Variants in SRF observed in about 807,000 individuals in gnomAD.
SRF encodes serum response factor.
In SRF, 7 loss-of-function variants were observed where a neutral mutation model predicts 37.1. That is an observed-to-expected ratio of 0.19 (90% CI 0.11 to 0.35). The LOEUF (loss-of-function observed/expected upper bound fraction) is 0.35. Among genes scored for constraint, SRF ranks in the 10% least tolerant of loss-of-function variants. The probability of loss-of-function intolerance (pLI) is 1.00; values close to 1 mark genes in which losing one functional copy is unlikely to be tolerated. For synonymous variants in SRF, 285 were observed against 310.1 expected, an observed-to-expected ratio of 0.92 and a Z score of 0.85; for missense variants, 395 against 694.4, an observed-to-expected ratio of 0.57 and a Z score of 4.85.
Position 43,179,609 on chromosome 6 carries a change from G to C in SRF, c.*419G>C, listed in dbSNP as rs1364983717. On this transcript the variant is annotated 3_prime_UTR_variant, in exon 7 of 7. Coordinates refer to ENST00000265354, the MANE Select transcript of SRF (RefSeq NM_003131.4). The surrounding 1 kb of genome is among the most constrained non-coding windows in gnomAD (Gnocchi z 5.3). ...TTGCCAGCCTCCTTGCTGACCCCAGGTCAGCCCTGTGTCTGTCACAGGCTG... is the reference window on the plus strand; with the variant it reads ...TTGCCAGCCTCCTTGCTGACCCCAGCTCAGCCCTGTGTCTGTCACAGGCTG... The C allele has an allele frequency of 4.1e-6, 1 of 246,554 alleles. No individual in the cohort carries two copies. The highest frequency in any genetic ancestry group is 8.1e-6 in the Non-Finnish European group (1 of 123,528). 15.3% of individuals were successfully genotyped at this position (246,554 alleles called of 1,614,324 possible).
chr6:43,178,964 A>G lies in SRF; in HGVS notation c.1431+82A>G, dbSNP rs1772254808. On this transcript the variant is annotated intron_variant, in intron 6 of 6. Transcript: ENST00000265354. The surrounding 1 kb of genome is among the most constrained non-coding windows in gnomAD (Gnocchi z 4.3). ...AGGGGATCCTGTTACCAGTTCATCA[A>G]AGCCAAAATCCCTAGCCTGGAAGCC... 5.1e-6 allele frequency: 8 copies of G among 1,577,006 alleles called. No individual in the cohort carries two copies. The East Asian group carries it at 1.8e-4, about 35-fold the overall frequency.
In SRF at chr6:43,176,075, G is replaced by A; in HGVS notation, c.1042+108G>A. On this transcript the variant is annotated intron_variant, in intron 3 of 6. Coordinates refer to ENST00000265354, the MANE Select transcript of SRF (RefSeq NM_003131.4). The surrounding 1 kb of genome is among the most constrained non-coding windows in gnomAD (Gnocchi z 4.0). The stretch of plus-strand genomic sequence containing the variant: ...GAGAACCTCTTTCCCTGCTCAGAAG[G>A]AAGGTGAATAGGGGCCAGAGCCTGA... 6.8e-7 allele frequency: 1 copy of A among 1,461,270 alleles called. No homozygotes were observed. 90.5% of individuals were successfully genotyped at this position (1,461,270 alleles called of 1,614,324 possible).
chr6:43,180,258 T>A lies in SRF; in HGVS notation c.*1068T>A, dbSNP rs1367145685. On this transcript the variant is annotated 3_prime_UTR_variant, in exon 7 of 7. Coordinates refer to ENST00000265354, the MANE Select transcript of SRF (RefSeq NM_003131.4). ...GGAGAGGGAAGAGGGAGACCAAATG[T>A]CGGGGTTGGGGTGGGAGGGCGTCAG... 6.6e-6 allele frequency: 1 copy of A among 151,156 alleles called. No individual in the cohort carries two copies. Among genetic ancestry groups the A allele is most frequent in the Non-Finnish European group, 1.5e-5 (1 of 67,858 alleles). 9.4% of individuals were successfully genotyped at this position (151,156 alleles called of 1,614,324 possible).
Position 43,173,796 on chromosome 6 carries a change from G to T in SRF, c.514-51G>T. 1 of 1,583,794 alleles carries T rather than the reference G, an allele frequency of 6.3e-7. No individual in the cohort carries two copies. The highest frequency in any genetic ancestry group is 1.3e-5 in the African/African-American group (1 of 74,254). The stretch of plus-strand genomic sequence containing the variant: ...ATTCTTTTTCCAACTTCTCAAGGAA[G>T]GTAGAGATAAAAAGTTTGCTGACCT... On this transcript the variant is annotated intron_variant, in intron 1 of 6. Coordinates refer to ENST00000265354, the MANE Select transcript of SRF (RefSeq NM_003131.4). This position sits in a 1 kb window ranked among gnomAD's most constrained non-coding sequence, Gnocchi z 4.2.
Position 43,172,174 on chromosome 6 carries a change from C to T in SRF, c.513+5C>T. On this transcript the variant is annotated splice_donor_5th_base_variant and intron_variant, in intron 1 of 6. Transcript: ENST00000265354. This position sits in a 1 kb window ranked among gnomAD's most constrained non-coding sequence, Gnocchi z 5.7. ...AAGACGGGCATCATGAAGAAGGTACCAAGCCGGGGGGCTGGCCGGCCCCGG... is the reference window on the plus strand; with the variant it reads ...AAGACGGGCATCATGAAGAAGGTACTAAGCCGGGGGGCTGGCCGGCCCCGG... 6.2e-7 allele frequency: 1 copy of T among 1,608,078 alleles called. No individual in the cohort carries two copies. Among genetic ancestry groups the T allele is most frequent in the Non-Finnish European group, 8.5e-7 (1 of 1,179,208 alleles).
In SRF at chr6:43,176,113, A is replaced by G. The variant is rs1050055249; in HGVS notation, c.1042+146A>G. 1.4e-5 allele frequency: 17 copies of G among 1,186,548 alleles called. No individual in the cohort carries two copies. Among genetic ancestry groups the G allele is most frequent in the African/African-American group, 1.5e-5 (1 of 65,244 alleles). 73.5% of individuals were successfully genotyped at this position (1,186,548 alleles called of 1,614,324 possible). A position where few individuals can be genotyped will look rare whatever the true frequency, so the allele number is the denominator to read the frequency against. On this transcript the variant is annotated intron_variant, in intron 3 of 6. Transcript: ENST00000265354. This position sits in a 1 kb window ranked among gnomAD's most constrained non-coding sequence, Gnocchi z 4.0. Reference sequence around the variant, plus strand: ...GGCCAGAGCCTGAGCGAAGCCTCTTATATCCCGTTGGCAGGCATACCTCTG... The same window carrying G: ...GGCCAGAGCCTGAGCGAAGCCTCTTGTATCCCGTTGGCAGGCATACCTCTG...
intron 4 of SRF, among the ~76,000 whole-genome samples, chr6:43,177,745 C>T (rs1443351565): frequency 2.0e-5 from 3 of 151,290 alleles, no homozygotes; most frequent in Non-Finnish European, 4.4e-5. Flanking sequence ...GAAACTCCAT[C>T]TCTACTAAAA....
intron 2 of SRF, among the ~76,000 whole-genome samples, chr6:43,174,621 C>T (rs1375045173): frequency 6.6e-6 from 1 of 152,220 alleles, no homozygotes; most frequent in Non-Finnish European, 1.5e-5. Flanking sequence ...GGGATGCCTG[C>T]GCTGTTACTC....
rs1486626842 is a variant in SRF, at chr6:43,171,557, A to G, written c.-100A>G. Reference sequence around the variant, plus strand: ...CCGCGGCAGCGATAGCGGCACTAGCAGCAGCGGGAGTGCCGGGTTGAGCCG... The same window carrying G: ...CCGCGGCAGCGATAGCGGCACTAGCGGCAGCGGGAGTGCCGGGTTGAGCCG... On this transcript the variant is annotated 5_prime_UTR_variant, in exon 1 of 7. Transcript: ENST00000265354. This position sits in a 1 kb window ranked among gnomAD's most constrained non-coding sequence, Gnocchi z 6.5. 1 of 1,131,950 alleles carries G rather than the reference A, an allele frequency of 8.8e-7. No individual in the cohort carries two copies. The highest frequency in any genetic ancestry group is 1.6e-5 in the African/African-American group (1 of 61,008). 70.1% of individuals were successfully genotyped at this position (1,131,950 alleles called of 1,614,324 possible).
In SRF at chr6:43,178,766, A is replaced by G. The variant is rs372321247; in HGVS notation, c.1355-40A>G. On this transcript the variant is annotated intron_variant, in intron 5 of 6. Transcript: ENST00000265354. The surrounding 1 kb of genome is among the most constrained non-coding windows in gnomAD (Gnocchi z 4.3). ...CACTCCTCCAATATCTGGAAGTTTC[A>G]ACAAACAATTTGAGTATCTCCTGTG... The G allele has an allele frequency of 6.2e-6, 10 of 1,606,282 alleles. No homozygotes were observed. The African/African-American group carries it at 1.3e-4, about 21-fold the overall frequency.
intron 2 of SRF, 62 bp downstream of exon 2, chr6:43,174,175 C>A: frequency 6.3e-7 from 1 of 1,580,820 alleles, no homozygotes; most frequent in South Asian, 1.2e-5. Context: ...CCTTTCTGGC[C>A]CAGGACAGGT....
In SRF at chr6:43,179,044, T is replaced by C. The variant is rs1772256197; in HGVS notation, c.1432-51T>C. 5.6e-6 allele frequency: 9 copies of C among 1,605,730 alleles called. No homozygotes were observed. Among genetic ancestry groups the C allele is most frequent in the Non-Finnish European group, 7.7e-6 (9 of 1,173,018 alleles). Reference sequence around the variant, plus strand: ...GGCAGGCAGGGAAGCCAGGGGAGCCTGAACTGGCTGGCCAGTCCCTGCCCC... The same window carrying C: ...GGCAGGCAGGGAAGCCAGGGGAGCCCGAACTGGCTGGCCAGTCCCTGCCCC... On this transcript the variant is annotated intron_variant, in intron 6 of 6. Coordinates refer to ENST00000265354, the MANE Select transcript of SRF (RefSeq NM_003131.4). This position sits in a 1 kb window ranked among gnomAD's most constrained non-coding sequence, Gnocchi z 5.3.
Position 43,179,973 on chromosome 6 carries a change from G to A in SRF, c.*783G>A, listed in dbSNP as rs539901783. On this transcript the variant is annotated 3_prime_UTR_variant, in exon 7 of 7. Transcript: ENST00000265354. The surrounding 1 kb of genome is among the most constrained non-coding windows in gnomAD (Gnocchi z 5.3). ...AAAATATTTAACTTTTTTTTATGGC[G>A]TTTTTCTCGTCCCCCTCCCTGCCCA... The A allele has an allele frequency of 1.3e-5, 2 of 151,980 alleles. No homozygotes were observed. The highest frequency in any genetic ancestry group is 1.9e-4 in the East Asian group (1 of 5,166). 9.4% of individuals were successfully genotyped at this position (151,980 alleles called of 1,614,324 possible). A position where few individuals can be genotyped will look rare whatever the true frequency, so the allele number is the denominator to read the frequency against.
chr6:43,177,641 T>C (rs1413793315), intron 4 of SRF, among the ~76,000 whole-genome samples: 10 of 149,642 alleles, frequency 6.7e-5, no homozygotes, highest in East Asian at 2.0e-4. Flanking sequence ...AGAGGCCGGG[T>C]GCGGTGGCTC....
chr6:43,175,295 A>G (rs1200203593), intron 2 of SRF, among the ~76,000 whole-genome samples: 1 of 152,232 alleles, frequency 6.6e-6, no homozygotes, highest in Non-Finnish European at 1.5e-5. Flanking sequence ...TACCAGAGCT[A>G]GGAACAGACC....
In SRF at chr6:43,178,342, G is replaced by A. The variant is rs764816664; in HGVS notation, c.1211G>A (p.Gly404Asp). The A allele has an allele frequency of 1.2e-6, 2 of 1,611,888 alleles. No homozygotes were observed. Among genetic ancestry groups the A allele is most frequent in the East Asian group, 2.2e-5 (1 of 44,764 alleles). Reference sequence around the variant, plus strand: ...ACGTCATCCGTGCCCACAACTGTGGGTGGCCACATGATGTACCCTAGCCCG... The same window carrying A: ...ACGTCATCCGTGCCCACAACTGTGGATGGCCACATGATGTACCCTAGCCCG... The part of the protein sequence containing the change: ...IMTSSVPTTV[G>D]GHMMYPSPHA... The change falls in exon 5 of 7, where the codon GGT becomes GAT. Residue 404 changes from glycine to aspartate, a missense_variant. This residue lies in a region of SRF where 232 missense variants were observed against 335.6 expected (regional missense o/e 0.69). Transcript: ENST00000265354. This position sits in a 1 kb window ranked among gnomAD's most constrained non-coding sequence, Gnocchi z 4.3.
rs544658252 is a variant in SRF at position 43,177,228 on chromosome 6, G to GTTTTTTTTTTTTTTT, written c.1162+564_1162+578dup. Among the ~76,000 whole-genome samples the GTTTTTTTTTTTTTTT allele has an allele frequency of 1.1e-3, 129 of 116,782 alleles. 10 individuals carry two copies. Among genetic ancestry groups the GTTTTTTTTTTTTTTT allele is most frequent in the East Asian group, 3.0e-3 (11 of 3,702 alleles). The allele number at this position is 116,782 out of a possible 152,430, so 76.6% of individuals were successfully genotyped here. ...CCCCAAACCTAGTGAATCGGAGTCT[G>GTTTTTTTTTTTTTTT]TTTTTTTTTTTTTTTTTGAGACGGA... On this transcript the variant is annotated intron_variant, in intron 4 of 6. Transcript: ENST00000265354.
chr6:43,172,054 G>C lies in SRF; in HGVS notation c.398G>C (p.Gly133Ala), dbSNP rs1438708447. 5 of 1,608,510 alleles carry C rather than the reference G, an allele frequency of 3.1e-6. No individual in the cohort carries two copies. The highest frequency in any genetic ancestry group is 1.7e-4 in the Middle Eastern group (1 of 6,032). ...GYGPVSGAVSGAKPGKKTRGR... is the reference protein window; with the variant it reads ...GYGPVSGAVSAAKPGKKTRGR... ...GGGCCGGTGAGCGGCGCGGTGAGCG[G>C]GGCCAAGCCGGGTAAGAAGACCCGG... The change falls in exon 1 of 7, where the codon GGG becomes GCG. Residue 133 changes from glycine to alanine, a missense_variant. Gly to Ala is a moderately conservative substitution (Grantham distance 60). Coordinates refer to ENST00000265354, the MANE Select transcript of SRF (RefSeq NM_003131.4). This position sits in a 1 kb window ranked among gnomAD's most constrained non-coding sequence, Gnocchi z 5.7.
chr6:43,179,089 C>T lies in SRF; in HGVS notation c.1432-6C>T. On this transcript the variant is annotated splice_region_variant and splice_polypyrimidine_tract_variant and intron_variant, in intron 6 of 6. Coordinates refer to ENST00000265354, the MANE Select transcript of SRF (RefSeq NM_003131.4). This position sits in a 1 kb window ranked among gnomAD's most constrained non-coding sequence, Gnocchi z 5.3. Reference sequence around the variant, plus strand: ...TGCCCCTCCTCATACATCCCCTTCCCTCCAGATGGCTGTGATAGGGCAGCA... The same window carrying T: ...TGCCCCTCCTCATACATCCCCTTCCTTCCAGATGGCTGTGATAGGGCAGCA... 6.2e-7 allele frequency: 1 copy of T among 1,614,032 alleles called. No homozygotes were observed. Among genetic ancestry groups the T allele is most frequent in the Non-Finnish European group, 8.5e-7 (1 of 1,179,910 alleles).
Sources: gnomAD v4.1 joint callset for allele counts (sites outside exome capture counted in the v4.1 genomes callset) on GRCh38, gnomAD v4.1.1 for gene constraint, gnomAD v4.1.1 regional missense constraint, Gnocchi (gnomAD v3.1) non-coding constraint, MANE v1.5 for transcripts, NCBI Gene and HGNC (gene_info 2026-07-23, HGNC 2026-07-21) for gene names.